The following SLC37A3 variants were observed in gnomAD, a reference collection of about 807,000 sequenced individuals.
SLC37A3 encodes sugar phosphate exchanger 3.
A neutral mutation model predicts 67.1 loss-of-function variants in SLC37A3; 51 were observed. The ratio of observed to expected loss-of-function variants is 0.76; its 90% CI spans 0.61 to 0.96. SLC37A3 has a LOEUF of 0.96. Among genes scored for constraint, SLC37A3 ranks in the 40% least tolerant of loss-of-function variants. The pLI, the probability that SLC37A3 is intolerant of heterozygous loss-of-function variation, is 0.00. For synonymous variants in SLC37A3, 214 were observed against 231.4 expected (o/e 0.92, Z 0.68); for missense variants, 508 against 603.0 (o/e 0.84, Z 1.65).
intron 1 of SLC37A3, among the ~76,000 whole-genome samples, chr7:140,389,894 A>G (rs1187407801): frequency 6.6e-6 from 1 of 152,126 alleles, no homozygotes; most frequent in Admixed American, 6.6e-5. Context: ...CCAGTAGTTC[A>G]ATATCAGCCT....
intron 7 of SLC37A3, among the ~76,000 whole-genome samples, chr7:140,355,093 G>A (rs1196351184): frequency 1.3e-5 from 2 of 151,780 alleles, no homozygotes; most frequent in Admixed American, 6.6e-5. Flanking sequence ...TTCTCAACTG[G>A]TTATATGTCT....
chr7:140,377,839 T>C (rs1342209160), intron 3 of SLC37A3, among the ~76,000 whole-genome samples: 1 of 152,130 alleles, frequency 6.6e-6, no homozygotes, highest in Non-Finnish European at 1.5e-5. Flanking sequence ...AAGTACGGCC[T>C]GGGCAACATA....
chr7:140,368,125 A>G (rs1218876792), intron 4 of SLC37A3, among the ~76,000 whole-genome samples: 1 of 151,440 alleles, frequency 6.6e-6, no homozygotes, highest in Non-Finnish European at 1.5e-5. Flanking sequence ...CACCTTTCTT[A>G]CCACTCCACC....
chr7:140,381,071 T>C (rs1264781527), intron 2 of SLC37A3, among the ~76,000 whole-genome samples: 11 of 151,542 alleles, frequency 7.3e-5, no homozygotes, highest in Non-Finnish European at 1.6e-4. Context: ...CTGATTTTTG[T>C]ATTTTTAGGA....
At chr7:140,355,343 C>G (rs1323534107) in intron 7 of SLC37A3, among the ~76,000 whole-genome samples, 1 of 152,100 alleles carries the variant, frequency 6.6e-6, no homozygotes, top group African/African-American at 2.4e-5. Flanking sequence ...TCCAGAGTAG[C>G]TGGGATTATA....
chr7:140,341,800 C>T (rs1365348454), intron 13 of SLC37A3, among the ~76,000 whole-genome samples: 1 of 152,086 alleles, frequency 6.6e-6, no homozygotes, highest in African/African-American at 2.4e-5. Context: ...AGAAAACATT[C>T]GTAAGGAAGG....
intron 1 of SLC37A3, among the ~76,000 whole-genome samples, chr7:140,383,503 A>G (rs1798336218): frequency 1.3e-5 from 2 of 152,192 alleles, no homozygotes; most frequent in African/African-American, 2.4e-5. Flanking sequence ...ATTAAATACA[A>G]TGTTCTAAAT....
Position 140,382,452 on chromosome 7 carries a change from C to A in SLC37A3, c.75G>T (p.Leu25=). The change falls in exon 2 of 15, where the codon CTG becomes CTT. Residue 25 remains leucine, a synonymous_variant. Coordinates refer to ENST00000326232, the MANE Select transcript of SLC37A3 (RefSeq NM_207113.3). ...QFSHHHVVVF[L]LTFFSYSLLH... is the part of the protein sequence containing the mutation. ...AACATGCTTACCTGAAGAAAGTGAG[C>A]AGGAACACTACAACATGATGATGGC... 1 of 1,613,944 alleles carries A rather than the reference C, an allele frequency of 6.2e-7. No individual in the cohort carries two copies. Among genetic ancestry groups the A allele is most frequent in the Non-Finnish European group, 8.5e-7 (1 of 1,179,882 alleles).
At chr7:140,336,607 T>C (rs1796139883) in intron 14 of SLC37A3, among the ~76,000 whole-genome samples, 1 of 152,182 alleles carries the variant, frequency 6.6e-6, no homozygotes, top group Non-Finnish European at 1.5e-5. Flanking sequence ...TTAACTCAAG[T>C]GTTGCTTGGT....
intron 7 of SLC37A3, among the ~76,000 whole-genome samples, chr7:140,355,038 C>G (rs1796966016): frequency 6.6e-6 from 1 of 152,124 alleles, no homozygotes; most frequent in Non-Finnish European, 1.5e-5. Flanking sequence ...AGCCACCATG[C>G]CTGACCCAGA....
At chr7:140,351,780 T>C (rs1796813363) in intron 8 of SLC37A3, 1 of 573,738 alleles carries the variant, frequency 1.7e-6, no homozygotes, top group South Asian at 2.1e-5. Context: ...AATACATCTA[T>C]GTTCATTCCT....
chr7:140,383,209 AAAAG>A (rs1320207021), intron 1 of SLC37A3, among the ~76,000 whole-genome samples: 1 of 152,112 alleles, frequency 6.6e-6, no homozygotes, highest in East Asian at 1.9e-4. Flanking sequence ...AAAAAAAAAA[AAAAG>A]AATTTCCAGG....
Position 140,337,308 on chromosome 7 carries a change from C to T in SLC37A3, c.1368G>A (p.Trp456Ter). The T allele has an allele frequency of 6.3e-7, 1 of 1,598,760 alleles. No homozygotes were observed. Among genetic ancestry groups the T allele is most frequent in the Non-Finnish European group, 8.5e-7 (1 of 1,173,644 alleles). ...CCATGAGAATGAAAAAGTAGAAAAC[C>T]CACATCCATCCTAGCTTGTCCCGGA... ...SLIRDKLGWMWVFYFFILMTS... is the reference protein window; with the variant it reads ...SLIRDKLGWM Residue 456 changes from tryptophan to a stop codon, truncating the protein, a stop_gained, in exon 14 of 15, where the codon TGG (tryptophan) becomes TGA (stop). Coordinates refer to ENST00000326232, the MANE Select transcript of SLC37A3 (RefSeq NM_207113.3). LOFTEE classifies it high-confidence loss of function.
At chr7:140,363,174 C>T (rs1797436275) in intron 5 of SLC37A3, among the ~76,000 whole-genome samples, 1 of 85,296 alleles carries the variant, frequency 1.2e-5, no homozygotes, top group Non-Finnish European at 2.6e-5. Flanking sequence ...TGCCCGGCCA[C>T]GACCCCGTCT....
intron 5 of SLC37A3, among the ~76,000 whole-genome samples, chr7:140,363,758 AAAAAAAAG>A (rs1330710835): frequency 1.4e-5 from 2 of 139,824 alleles, no homozygotes; most frequent in African/African-American, 5.2e-5. Context: ...AAAAAAAAAA[AAAAAAAAG>A]AAAGGAGCGG....
At chr7:140,355,574 T>G in intron 7 of SLC37A3, 94 bp downstream of exon 7, 1 of 1,147,082 alleles carries the variant, frequency 8.7e-7, no homozygotes, top group East Asian at 2.4e-5. Context: ...TACATAGTTT[T>G]AAATGGCCAC....
intron 5 of SLC37A3, among the ~76,000 whole-genome samples, chr7:140,361,638 C>T (rs1265822146): frequency 2.7e-5 from 4 of 149,266 alleles, no homozygotes; most frequent in African/African-American, 9.8e-5. Flanking sequence ...CGGCTCACTG[C>T]AACCTCCCTG....
intron 4 of SLC37A3, among the ~76,000 whole-genome samples, chr7:140,364,997 C>T (rs1177984876): frequency 6.6e-6 from 1 of 152,150 alleles, no homozygotes; most frequent in East Asian, 1.9e-4. Flanking sequence ...CAGTTCCAAC[C>T]TTGTAAAAAG....
At chr7:140,369,380 A>C (rs888227559) in intron 4 of SLC37A3, among the ~76,000 whole-genome samples, 12 of 152,220 alleles carry the variant, frequency 7.9e-5, no homozygotes, top group African/African-American at 2.9e-4. Flanking sequence ...GTTGTTCGGG[A>C]TAAATTCCCA....
Sources: gnomAD v4.1 joint callset for allele counts (sites outside exome capture counted in the v4.1 genomes callset) on GRCh38, gnomAD v4.1.1 for gene constraint, MANE v1.5 for transcripts, NCBI Gene and HGNC (gene_info 2026-07-23, HGNC 2026-07-21) for gene names.